HIPK2: variants seen among roughly 807,000 people sequenced by gnomAD.
The protein encoded by HIPK2 is homeodomain-interacting protein kinase 2.
HIPK2 carries 27 observed loss-of-function variants against 113.7 expected under a neutral mutation model. That is an observed-to-expected ratio of 0.24 (90% CI 0.17 to 0.33). The LOEUF (loss-of-function observed/expected upper bound fraction) is 0.33, where lower values mean the gene tolerates loss of function less well. HIPK2 is among the 10% of genes least tolerant of loss of function. HIPK2 has a pLI of 1.00. For missense variants in HIPK2, 1,257 were observed against 1,588.0 expected (o/e 0.79, Z 3.54); for synonymous variants, 631 against 642.2 (o/e 0.98, Z 0.26).
At chr7:139,765,237 G>A (rs1796534416) in intron 1 of HIPK2, among the ~76,000 whole-genome samples, 1 of 152,102 alleles carries the variant, frequency 6.6e-6, no homozygotes, top group Admixed American at 6.5e-5. Flanking sequence ...CTACTTTGGA[G>A]GACCTATCCT....
At chr7:139,752,209 G>A (rs1160997073) in intron 1 of HIPK2, among the ~76,000 whole-genome samples, 1 of 152,074 alleles carries the variant, frequency 6.6e-6, no homozygotes, top group Non-Finnish European at 1.5e-5. Context: ...AACCTCCTCA[G>A]CCCCCCACCC....
At chr7:139,759,036 G>A (rs183749221) in intron 1 of HIPK2, among the ~76,000 whole-genome samples, 30 of 151,652 alleles carry the variant, frequency 2.0e-4, no homozygotes, top group Middle Eastern at 3.4e-3. Flanking sequence ...ATGATCAACT[G>A]GAAAAAAAAT....
At chr7:139,662,263 A>G (rs1801891490) in intron 2 of HIPK2, among the ~76,000 whole-genome samples, 1 of 152,198 alleles carries the variant, frequency 6.6e-6, no homozygotes, top group African/African-American at 2.4e-5. Context: ...AGAATTTCAC[A>G]CACTTGTCAA....
rs1796811896 is a variant in HIPK2, at chr7:139,777,761, G to C, written c.-138C>G. On this transcript the variant is annotated 5_prime_UTR_variant, in exon 1 of 15. Transcript: ENST00000406875. ...GGCGCAGCCGAGGCCGCCCGCGCCC[G>C]CATCACCGCCTCCCGTGGCCGGCGC... The C allele has an allele frequency of 1.5e-5, 12 of 801,314 alleles. No individual in the cohort carries two copies. In the South Asian group the frequency reaches 3.9e-4, roughly 26 times the overall value. 49.6% of individuals were successfully genotyped at this position (801,314 alleles called of 1,614,324 possible). A position where few individuals can be genotyped will look rare whatever the true frequency, so the allele number is the denominator to read the frequency against.
At position 139,731,798 on chromosome 7, in the gene HIPK2, T is replaced by G. The variant is rs143812285; in HGVS notation, c.20-14783A>C. 2.3e-3 allele frequency among the ~76,000 whole-genome samples: 356 copies of G among 152,358 alleles called. 2 individuals carry two copies. Among genetic ancestry groups the G allele is most frequent in the African/African-American group, 8.2e-3 (342 of 41,582 alleles). Reference sequence around the variant, plus strand: ...AATAATCCATCCTTCTTACTTGATTTAAATAGCAACTGCTATTTACAACAG... The same window carrying G: ...AATAATCCATCCTTCTTACTTGATTGAAATAGCAACTGCTATTTACAACAG... On this transcript the variant is annotated intron_variant, in intron 1 of 14. Transcript: ENST00000406875.
intron 1 of HIPK2, among the ~76,000 whole-genome samples, chr7:139,772,378 T>C (rs1297196589): frequency 1.3e-5 from 2 of 152,206 alleles, no homozygotes; most frequent in Admixed American, 1.3e-4. Context: ...CTCTGAGAAC[T>C]TGTGCAAATA....
rs1284664904 is a variant in HIPK2 at position 139,572,801 on chromosome 7, T to G, written c.*126A>C. On this transcript the variant is annotated 3_prime_UTR_variant, in exon 15 of 15. Transcript: ENST00000406875. ...CCCCCCGCCCCTGCCCCGTTTGCAT[T>G]GTTTGTGTGCGGCATCTTCAGTATA... 3.0e-5 allele frequency: 5 copies of G among 166,314 alleles called. No individual in the cohort carries two copies. Among genetic ancestry groups the G allele is most frequent in the Non-Finnish European group, 4.5e-5 (4 of 88,516 alleles). The allele number at this position is 166,314 out of a possible 1,614,324, so 10.3% of individuals were successfully genotyped here.
At chr7:139,745,003 C>G (rs1796166717) in intron 1 of HIPK2, among the ~76,000 whole-genome samples, 12 of 152,194 alleles carry the variant, frequency 7.9e-5, no homozygotes, top group Admixed American at 7.9e-4. Context: ...ACTGTACTGA[C>G]CTGTCCAACC....
chr7:139,604,177 C>T lies in HIPK2; in HGVS notation c.2159G>A (p.Trp720Ter). Residue 720 changes from tryptophan to a stop codon, truncating the protein, a stop_gained, in exon 10 of 15, where the codon TGG becomes TAG. Transcript: ENST00000406875. LOFTEE classifies it high-confidence loss of function. ...GGTGGCCACTCCAGTCAGTTGCTGC[C>T]ATGCTGGGGGAAGCAGGATCTGCTG... ...GTQQILLPPA[W>*]QQLTGVATHT... The T allele has an allele frequency of 6.2e-7, 1 of 1,613,852 alleles. No homozygotes were observed. The highest frequency in any genetic ancestry group is 8.5e-7 in the Non-Finnish European group (1 of 1,179,796).
At chr7:139,648,086 A>T (rs918768108) in intron 2 of HIPK2, among the ~76,000 whole-genome samples, 1 of 152,224 alleles carries the variant, frequency 6.6e-6, no homozygotes, top group East Asian at 1.9e-4. Context: ...AATCAACATT[A>T]ACCCGCTAAA....
At chr7:139,690,497 A>C (rs187181289) in intron 2 of HIPK2, among the ~76,000 whole-genome samples, 281 of 152,240 alleles carry the variant, frequency 1.8e-3, no homozygotes, top group African/African-American at 6.4e-3. Context: ...TCGCAGTAAT[A>C]AATGAGTTCT....
intron 1 of HIPK2, 104 bp downstream of exon 1, chr7:139,777,501 G>T: frequency 2.8e-6 from 1 of 358,738 alleles, no homozygotes; most frequent in Non-Finnish European, 4.0e-6. Context: ...GTGGGGGCTG[G>T]GGCAGGCGCC....
chr7:139,593,283 A>G (rs1241641281), intron 12 of HIPK2, among the ~76,000 whole-genome samples: 2 of 152,228 alleles, frequency 1.3e-5, no homozygotes. Flanking sequence ...TGGGAATAGA[A>G]ATATCAGCCT....
At chr7:139,763,627 C>A (rs933016785) in intron 1 of HIPK2, among the ~76,000 whole-genome samples, 1 of 152,160 alleles carries the variant, frequency 6.6e-6, no homozygotes, top group African/African-American at 2.4e-5. Flanking sequence ...AGTTTGCCAA[C>A]CCCCAGACAA....
chr7:139,569,488 T>C lies in HIPK2; in HGVS notation c.*3439A>G, dbSNP rs1798195614. The C allele has an allele frequency of 6.6e-6, 1 of 152,072 alleles. No individual in the cohort carries two copies. The highest frequency in any genetic ancestry group is 1.5e-5 in the Non-Finnish European group (1 of 68,016). 9.4% of individuals were successfully genotyped at this position (152,072 alleles called of 1,614,324 possible). ...CAGAAGCACAGGAGAGCTCTGAGGATGTGGGAGAGAAGCTGGCTAAGGGCT... is the reference window on the plus strand; with the variant it reads ...CAGAAGCACAGGAGAGCTCTGAGGACGTGGGAGAGAAGCTGGCTAAGGGCT... On this transcript the variant is annotated 3_prime_UTR_variant, in exon 15 of 15. Coordinates refer to ENST00000406875, the MANE Select transcript of HIPK2 (RefSeq NM_022740.5).
At chr7:139,690,157 C>A in intron 2 of HIPK2, among the ~76,000 whole-genome samples, 1 of 152,128 alleles carries the variant, frequency 6.6e-6, no homozygotes, top group Non-Finnish European at 1.5e-5. Context: ...ACCCAGAAAG[C>A]CCTCAGACCC....
intron 2 of HIPK2, among the ~76,000 whole-genome samples, chr7:139,642,374 G>A (rs1360923723): frequency 6.6e-6 from 1 of 152,202 alleles, no homozygotes; most frequent in East Asian, 1.9e-4. Flanking sequence ...GGGAGGAGGA[G>A]GAGGCTATTT....
intron 2 of HIPK2, among the ~76,000 whole-genome samples, chr7:139,703,683 TACC>T (rs1436500952): frequency 1.1e-5 from 1 of 90,352 alleles, no homozygotes. Context: ...AACCAACACA[TACC>T]ACACCCAACA....
intron 10 of HIPK2, 71 bp downstream of exon 10, chr7:139,604,009 GC>G (rs921268028): frequency 6.3e-7 from 1 of 1,597,856 alleles, no homozygotes; most frequent in African/African-American, 1.3e-5. Flanking sequence ...CAGCCTGGCA[GC>G]CCTGTGTTGG....
Sources: gnomAD v4.1 joint callset for allele counts (sites outside exome capture counted in the v4.1 genomes callset) on GRCh38, gnomAD v4.1.1 for gene constraint, MANE v1.5 for transcripts, NCBI Gene and HGNC (gene_info 2026-07-23, HGNC 2026-07-21) for gene names.